BANP: variants seen among roughly 807,000 people sequenced by gnomAD.
BANP encodes the protein BTG3 associated nuclear protein, also known as protein BANP.
In BANP, 11 loss-of-function variants were observed where a neutral mutation model predicts 68.1. The ratio of observed to expected loss-of-function variants is 0.16; its 90% CI spans 0.10 to 0.27. The LOEUF (loss-of-function observed/expected upper bound fraction) is 0.27. BANP is among the 10% of genes least tolerant of loss of function. The pLI, the probability that BANP is intolerant of heterozygous loss-of-function variation, is 1.00. For synonymous variants in BANP, 329 were observed against 303.2 expected, an observed-to-expected ratio of 1.09 and a Z score of -0.88; for missense variants, 504 against 722.7, an observed-to-expected ratio of 0.70 and a Z score of 3.47.
chr16:87,994,040 G>A (rs2066555237), intron 4 of BANP, among the ~76,000 whole-genome samples: 1 of 152,120 alleles, frequency 6.6e-6, no homozygotes, highest in African/African-American at 2.4e-5. Context: ...GGAGGGCCCT[G>A]GCGTTAGAGA....
chr16:88,015,388 C>T (rs530926006), intron 6 of BANP, among the ~76,000 whole-genome samples: 8 of 152,358 alleles, frequency 5.3e-5, no homozygotes, highest in East Asian at 1.9e-4. Context: ...CCACGCTGGG[C>T]GTGGGCGCCT....
At chr16:87,955,750 T>G (rs2057916333) in intron 1 of BANP, among the ~76,000 whole-genome samples, 1 of 152,134 alleles carries the variant, frequency 6.6e-6, no homozygotes, top group African/African-American at 2.4e-5. Context: ...GTGAAGCAAG[T>G]GATCGGGGTA....
chr16:88,015,705 C>T (rs888588531), intron 6 of BANP, among the ~76,000 whole-genome samples: 22 of 152,236 alleles, frequency 1.4e-4, no homozygotes, highest in Non-Finnish European at 3.1e-4. Context: ...GGAGCGGGGC[C>T]GAGGTCTCGC....
chr16:88,021,443 C>G (rs1429662629), intron 7 of BANP, among the ~76,000 whole-genome samples: 3 of 152,164 alleles, frequency 2.0e-5, no homozygotes. Context: ...TTCAGGGTGA[C>G]TTTGCATGAG....
chr16:87,993,495 C>T (rs745324591), intron 4 of BANP, among the ~76,000 whole-genome samples: 11 of 152,226 alleles, frequency 7.2e-5, no homozygotes, highest in Non-Finnish European at 1.6e-4. Flanking sequence ...TGCTCACATC[C>T]TTCCGGCTTT....
At chr16:87,952,911 A>T (rs2057262211) in intron 1 of BANP, among the ~76,000 whole-genome samples, 1 of 152,112 alleles carries the variant, frequency 6.6e-6, no homozygotes, top group African/African-American at 2.4e-5. Context: ...AGTAGCTCGG[A>T]CCACAGACGC....
intron 11 of BANP, among the ~76,000 whole-genome samples, chr16:88,043,127 C>G (rs906717215): frequency 3.3e-5 from 5 of 152,128 alleles, no homozygotes; most frequent in Non-Finnish European, 7.4e-5. Flanking sequence ...CCTGTGCTGC[C>G]CTCCTCGCCT....
intron 12 of BANP, chr16:88,070,967 AG>A (rs990693778): frequency 2.6e-5 from 4 of 155,888 alleles, no homozygotes; most frequent in African/African-American, 9.6e-5. Context: ...ATGTAGGTGA[AG>A]TCTAGTCTTT....
chr16:88,015,093 C>T (rs563690739), intron 6 of BANP, among the ~76,000 whole-genome samples: 5 of 121,588 alleles, frequency 4.1e-5, no homozygotes, highest in African/African-American at 1.4e-4. Context: ...TGCCTGTCCC[C>T]TCTGCCCGTC....
upstream of BANP, chr16:87,950,811 C>CCGCGCG (rs1309784704): frequency 1.3e-5 from 2 of 152,214 alleles, no homozygotes; most frequent in Non-Finnish European, 2.9e-5. Flanking sequence ...GTGCTAAGTC[C>CCGCGCG]CGCGCGCGTG....
chr16:88,052,672 ACTG>A (rs1198362844), intron 11 of BANP, among the ~76,000 whole-genome samples: 2 of 151,744 alleles, frequency 1.3e-5, no homozygotes, highest in African/African-American at 2.4e-5. Context: ...CACCCTAACA[ACTG>A]CTATCACCAC....
In BANP at chr16:88,071,257, G is replaced by A. The variant is rs530743150; in HGVS notation, c.1378-812G>A. 1.1e-5 allele frequency: 4 copies of A among 358,532 alleles called. No individual in the cohort carries two copies. Among genetic ancestry groups the A allele is most frequent in the East Asian group, 7.4e-5 (1 of 13,472 alleles). The allele number at this position is 358,532 out of a possible 1,614,324, so 22.2% of individuals were successfully genotyped here. A position where few individuals can be genotyped will look rare whatever the true frequency, so the allele number is the denominator to read the frequency against. On this transcript the variant is annotated intron_variant, in intron 12 of 13. Transcript: ENST00000682872. This position sits in a 1 kb window ranked among gnomAD's most constrained non-coding sequence, Gnocchi z 6.5. The stretch of plus-strand genomic sequence containing the variant: ...GGGTGCAACCCCAAGTGAAGACCCC[G>A]TGGCTCATGTCAAGTGCCCTCAGGG...
At chr16:87,970,475 A>C (rs917523624) in intron 1 of BANP, among the ~76,000 whole-genome samples, 5 of 152,236 alleles carry the variant, frequency 3.3e-5, no homozygotes, top group African/African-American at 1.2e-4. Flanking sequence ...TTTTATACAG[A>C]GAAACATTCT....
intron 1 of BANP, among the ~76,000 whole-genome samples, chr16:87,966,047 T>C (rs1203012872): frequency 1.3e-5 from 2 of 152,218 alleles, no homozygotes; most frequent in Non-Finnish European, 2.9e-5. Context: ...GGAAGCAGAA[T>C]TGGGATCATA....
intron 1 of BANP, among the ~76,000 whole-genome samples, chr16:87,969,662 A>C (rs2060754728): frequency 6.6e-6 from 1 of 151,260 alleles, no homozygotes; most frequent in Non-Finnish European, 1.5e-5. Context: ...CCTCCTCAGT[A>C]GCTGGGATTA....
intron 1 of BANP, among the ~76,000 whole-genome samples, chr16:87,968,736 G>T (rs72631408): frequency 0.24 from 36,448 of 151,934 alleles, 4,873 homozygotes; most frequent in East Asian, 0.49. Context: ...AGCTCCGAAG[G>T]CTGAGCAAGA....
chr16:88,015,430 G>T (rs934940706), intron 6 of BANP, among the ~76,000 whole-genome samples: 1 of 152,210 alleles, frequency 6.6e-6, no homozygotes, highest in African/African-American at 2.4e-5. Context: ...GCCCTGCTTG[G>T]TTCTCCACCC....
intron 11 of BANP, among the ~76,000 whole-genome samples, chr16:88,048,486 C>A (rs533176073): frequency 6.6e-6 from 1 of 152,104 alleles, no homozygotes; most frequent in African/African-American, 2.4e-5. Context: ...TAACAGTATT[C>A]TCGGTATCGA....
chr16:88,051,989 G>T (rs1238913373), intron 11 of BANP, among the ~76,000 whole-genome samples: 3 of 152,170 alleles, frequency 2.0e-5, no homozygotes, highest in Non-Finnish European at 4.4e-5. Context: ...CTCCCAATCA[G>T]TATGTTTCTG....
Sources: gnomAD v4.1 joint callset for allele counts (sites outside exome capture counted in the v4.1 genomes callset) on GRCh38, gnomAD v4.1.1 for gene constraint, Gnocchi (gnomAD v3.1) non-coding constraint, MANE v1.5 for transcripts, NCBI Gene and HGNC (gene_info 2026-07-23, HGNC 2026-07-21) for gene names.